Variants in MPST observed in about 807,000 individuals in gnomAD.
MPST encodes the protein mercaptopyruvate sulfurtransferase, also known as 3-mercaptopyruvate sulfurtransferase.
Under a neutral mutation model 28.5 loss-of-function variants are expected in MPST, and 27 were observed. That is an observed-to-expected ratio of 0.95 (90% CI 0.70 to 1.31). The LOEUF (loss-of-function observed/expected upper bound fraction) is 1.31. Ranked by LOEUF, MPST falls within the 50% of genes most tolerant of loss-of-function variation. MPST has a pLI of 0.00. For missense variants in MPST, 492 were observed against 471.1 expected (o/e 1.04, Z -0.41); for synonymous variants, 204 against 209.3 (o/e 0.97, Z 0.22).
chr22:37,021,935 T>G (rs1923106249), intron 1 of MPST, among the ~76,000 whole-genome samples: 1 of 152,114 alleles, frequency 6.6e-6, no homozygotes, highest in Non-Finnish European at 1.5e-5. Context: ...CACAACCAGT[T>G]AAGCAGTGGA....
chr22:37,026,369 C>T (rs897815542), intron 2 of MPST: 1 of 152,150 alleles, frequency 6.6e-6, no homozygotes, highest in African/African-American at 2.4e-5. Flanking sequence ...TTTTCATGCA[C>T]AAGTGTGCTG....
chr22:37,021,630 G>A (rs747454963), intron 1 of MPST, among the ~76,000 whole-genome samples: 20 of 151,948 alleles, frequency 1.3e-4, no homozygotes, highest in Non-Finnish European at 1.9e-4. Flanking sequence ...ATGCCACCAT[G>A]CCCAGCTAAT....
Position 37,024,705 on chromosome 22 carries a change from A to G in MPST, c.550A>G (p.Lys184Glu), listed in dbSNP as rs1330850254. The change falls in exon 2 of 3, where the codon AAG becomes GAG. Residue 184 changes from lysine to glutamate, a missense_variant. By Grantham distance (56) the Lys-to-Glu change is moderately conservative. Coordinates refer to ENST00000429360, the MANE Select transcript of MPST (RefSeq NM_021126.8). ...FRAQLDPAFI[K>E]TYEDIKENLE... ...CGCTCAGCTCGACCCCGCCTTCATC[A>G]AGACCTACGAGGACATCAAGGAGAA... 3 of 1,599,774 alleles carry G rather than the reference A, an allele frequency of 1.9e-6. No homozygotes were observed. The African/African-American group carries it at 4.0e-5, about 21-fold the overall frequency.
In MPST at chr22:37,024,395, C is replaced by T; in HGVS notation, c.240C>T (p.Phe80=). The change falls in exon 2 of 3, where the codon TTC becomes TTT. Residue 80 remains phenylalanine, a synonymous_variant. Coordinates refer to ENST00000429360, the MANE Select transcript of MPST (RefSeq NM_021126.8). The part of the protein sequence containing the change: ...EERHIPGAAF[F]DIDQCSDRTS... Reference sequence around the variant, plus strand: ...GCCACATCCCGGGCGCCGCTTTCTTCGACATCGACCAGTGCAGCGACCGCA... The same window carrying T: ...GCCACATCCCGGGCGCCGCTTTCTTTGACATCGACCAGTGCAGCGACCGCA... The T allele has an allele frequency of 4.5e-6, 7 of 1,544,082 alleles. No individual in the cohort carries two copies. The highest frequency in any genetic ancestry group is 2.4e-5 in the East Asian group (1 of 41,228).
rs1310634602 is a variant in MPST, at chr22:37,024,425, G to A, written c.270G>A (p.Ser90=). 2 of 1,542,364 alleles carry A rather than the reference G, an allele frequency of 1.3e-6. No homozygotes were observed. The highest frequency in any genetic ancestry group is 2.0e-5 in the Admixed American group (1 of 51,116). Reference sequence around the variant, plus strand: ...TCGACCAGTGCAGCGACCGCACCTCGCCCTACGACCACATGCTGCCCGGGG... The same window carrying A: ...TCGACCAGTGCAGCGACCGCACCTCACCCTACGACCACATGCTGCCCGGGG... The part of the protein sequence containing the change: ...FDIDQCSDRT[S]PYDHMLPGAE... Residue 90 remains serine (S), a synonymous_variant, in exon 2 of 3, where the codon TCG becomes TCA. Coordinates refer to ENST00000429360, the MANE Select transcript of MPST (RefSeq NM_021126.8).
intron 1 of MPST, chr22:37,023,139 C>G (rs1413881099): frequency 1.3e-5 from 2 of 152,438 alleles, no homozygotes; most frequent in African/African-American, 4.8e-5. Flanking sequence ...CAGGCAAAAC[C>G]TGGCCTCGCC....
At chr22:37,023,795 C>T (rs928688743) in intron 1 of MPST, 4 of 1,206,390 alleles carry the variant, frequency 3.3e-6, no homozygotes, top group South Asian at 3.2e-5. Context: ...TGACTTCCGT[C>T]TGGGACTTGG....
chr22:37,021,429 CAGGGCCACCA>C (rs1435466866), intron 1 of MPST, among the ~76,000 whole-genome samples: 1 of 152,104 alleles, frequency 6.6e-6, no homozygotes, highest in Non-Finnish European at 1.5e-5. Flanking sequence ...CTGGCAGTTC[CAGGGCCACCA>C]ATGAGAGTAA....
At chr22:37,025,256 C>A (rs1923438155) in intron 2 of MPST, 2 of 922,076 alleles carry the variant, frequency 2.2e-6, no homozygotes, top group Non-Finnish European at 1.4e-6. Context: ...CCCTGGTTGC[C>A]CAAACAGCTC....
chr22:37,023,666 C>A, intron 1 of MPST: 1 of 625,076 alleles, frequency 1.6e-6, no homozygotes, highest in Non-Finnish European at 2.1e-6. Context: ...GGAGAGTCTA[C>A]TGTGTCAGGC....
intron 2 of MPST, chr22:37,028,985 G>T (rs1923706915): frequency 1.7e-5 from 9 of 531,642 alleles, no homozygotes; most frequent in Non-Finnish European, 2.7e-5. Context: ...CAATTTGCTA[G>T]ATGTGTTAGC....
Position 37,029,771 on chromosome 22 carries a change from C to T in MPST, c.*257C>T, listed in dbSNP as rs891384209. The T allele has an allele frequency of 5.5e-6, 3 of 546,152 alleles. No individual in the cohort carries two copies. In the African/African-American group the frequency reaches 5.7e-5, roughly 10 times the overall value. 33.8% of individuals were successfully genotyped at this position (546,152 alleles called of 1,614,324 possible). A position where few individuals can be genotyped will look rare whatever the true frequency, so the allele number is the denominator to read the frequency against. On this transcript the variant is annotated 3_prime_UTR_variant, in exon 3 of 3. Transcript: ENST00000429360. The stretch of plus-strand genomic sequence containing the variant: ...CTGGTGCTGAGCTGGGGCCCCGCCT[C>T]CTTTCTGTTTTATTTTTGAGGAAAT...
At chr22:37,024,948 CCCTTTCCCTTCCCT>C in intron 2 of MPST, 138 bp downstream of exon 2, 3 of 1,520,510 alleles carry the variant, frequency 2.0e-6, no homozygotes, top group Non-Finnish European at 2.7e-6. Flanking sequence ...TCCTTTCCTT[CCCTTTCCCTTCCCT>C]CCTTTCCCCC....
rs1369562098 is a variant in MPST, at chr22:37,029,433, C to A, written c.873C>A (p.Ile291=). Reference sequence around the variant, plus strand: ...TCTGCGGCAAGCCAGACGTGCCCATCTACGATGGCTCCTGGGTGGAGTGGT... The same window carrying A: ...TCTGCGGCAAGCCAGACGTGCCCATATACGATGGCTCCTGGGTGGAGTGGT... The part of the protein sequence containing the change: ...AYLCGKPDVP[I]YDGSWVEWYM... The change falls in exon 3 of 3, where the codon ATC becomes ATA. Residue 291 remains isoleucine (I), a synonymous_variant. Transcript: ENST00000429360. 6.2e-7 allele frequency: 1 copy of A among 1,613,798 alleles called. No individual in the cohort carries two copies. Among genetic ancestry groups the A allele is most frequent in the Non-Finnish European group, 8.5e-7 (1 of 1,180,018 alleles).
Position 37,024,733 on chromosome 22 carries a change from T to G in MPST, c.578T>G (p.Leu193Arg). 1 of 1,600,894 alleles carries G rather than the reference T, an allele frequency of 6.2e-7. No individual in the cohort carries two copies. Among genetic ancestry groups the G allele is most frequent in the Non-Finnish European group, 8.5e-7 (1 of 1,179,762 alleles). ...ACCTACGAGGACATCAAGGAGAACC[T>G]GGAATCCCGGCGCTTCCAGGTGGTG... Reference protein sequence around the residue: ...IKTYEDIKENLESRRFQVVDS... With the variant: ...IKTYEDIKENRESRRFQVVDS... Residue 193 changes from leucine (L) to arginine (R), a missense_variant, in exon 2 of 3, where the codon CTG becomes CGG. Leu to Arg is a moderately radical substitution (Grantham distance 102). Transcript: ENST00000429360.
intron 2 of MPST, chr22:37,025,552 A>G: frequency 1.2e-5 from 2 of 172,222 alleles, no homozygotes; most frequent in South Asian, 2.8e-4. Flanking sequence ...GCTCTGTATA[A>G]TGCGAGGAGG....
intron 1 of MPST, among the ~76,000 whole-genome samples, chr22:37,022,630 A>C (rs1313012395): frequency 6.6e-6 from 1 of 152,212 alleles, no homozygotes; most frequent in Non-Finnish European, 1.5e-5. Flanking sequence ...GACCACGGGC[A>C]AGGCACTTAT....
intron 2 of MPST, chr22:37,027,446 T>A (rs1923608924): frequency 6.6e-6 from 1 of 152,124 alleles, no homozygotes. Flanking sequence ...AAATCTAGGT[T>A]GGGCAAGGTA....
intron 1 of MPST, chr22:37,023,856 T>C (rs1337924551): frequency 8.5e-6 from 12 of 1,416,646 alleles, no homozygotes; most frequent in South Asian, 1.2e-5. Context: ...ACTTTGCCCC[T>C]GTTTGTGCCT....
Sources: allele counts gnomAD v4.1 joint callset (sites outside exome capture counted in the v4.1 genomes callset), GRCh38; gene constraint gnomAD v4.1.1; transcripts MANE v1.5; gene names NCBI Gene and HGNC (gene_info 2026-07-23, HGNC 2026-07-21).